The following NAV3 variants were observed in gnomAD, a reference collection of about 807,000 sequenced individuals.
The protein encoded by NAV3 is neuron navigator 3.
A neutral mutation model predicts 244.7 loss-of-function variants in NAV3; 87 were observed. The observed-to-expected ratio is 0.36, with a 90% CI of 0.30 to 0.42. NAV3 has a LOEUF of 0.42. Ranked by LOEUF, NAV3 falls within the 20% of genes least tolerant of loss-of-function variation. The pLI, the probability that NAV3 is intolerant of heterozygous loss-of-function variation, is 1.00. For missense variants in NAV3, 2,663 were observed against 2,893.3 expected, an observed-to-expected ratio of 0.92 and a Z score of 1.83; for synonymous variants, 1,126 against 1,042.2, an observed-to-expected ratio of 1.08 and a Z score of -1.55.
chr12:78,003,592 G>T (rs574532422), intron 7 of NAV3, among the ~76,000 whole-genome samples: 2 of 152,334 alleles, frequency 1.3e-5, no homozygotes, highest in East Asian at 1.9e-4. Context: ...TTCTCAGACT[G>T]ATACCACTCT....
At chr12:78,005,112 C>A (rs1873971866) in intron 7 of NAV3, among the ~76,000 whole-genome samples, 1 of 151,910 alleles carries the variant, frequency 6.6e-6, no homozygotes, top group African/African-American at 2.4e-5. Flanking sequence ...CCGATCAACC[C>A]CACCGAAGCT....
chr12:77,904,044 G>T lies in NAV3; in HGVS notation c.244-36275G>T, dbSNP rs528241851. 2.6e-3 allele frequency among the ~76,000 whole-genome samples: 394 copies of T among 152,264 alleles called. 1 individual carries two copies. The highest frequency in any genetic ancestry group is 4.5e-3 in the Non-Finnish European group (308 of 68,022). The stretch of plus-strand genomic sequence containing the variant: ...AAATAGGAACACTTTTACACTGTTG[G>T]TGGGACTGTAAACTAGTTCAACCAT... On this transcript the variant is annotated intron_variant, in intron 1 of 39. Coordinates refer to ENST00000397909, the MANE Select transcript of NAV3 (RefSeq NM_001024383.2).
chr12:78,194,469 C>T (rs1191814773), intron 34 of NAV3, among the ~76,000 whole-genome samples: 1 of 151,902 alleles, frequency 6.6e-6, no homozygotes, highest in African/African-American at 2.4e-5. Context: ...TCAATGTTTT[C>T]TTATAGATTT....
intron 1 of NAV3, among the ~76,000 whole-genome samples, chr12:77,915,465 T>A (rs918095295): frequency 6.6e-6 from 1 of 152,032 alleles, no homozygotes; most frequent in African/African-American, 2.4e-5. Context: ...TCAATTATTG[T>A]TGAACGTTTG....
At chr12:78,043,929 G>A (rs975756413) in intron 9 of NAV3, among the ~76,000 whole-genome samples, 4 of 152,118 alleles carry the variant, frequency 2.6e-5, no homozygotes, top group African/African-American at 7.2e-5. Context: ...AATTTCCTTA[G>A]TTTAATTAGA....
At chr12:77,738,658 AC>A (rs1868270193) in intron 2 of NAV3, among the ~76,000 whole-genome samples, 1 of 152,246 alleles carries the variant, frequency 6.6e-6, no homozygotes, top group Non-Finnish European at 1.5e-5. Flanking sequence ...TGGAAATCAT[AC>A]TTCAATAAGT....
chr12:77,574,368 A>G (rs563330474), intron 2 of NAV3, among the ~76,000 whole-genome samples: 36 of 152,308 alleles, frequency 2.4e-4, no homozygotes, highest in Admixed American at 7.9e-4. Flanking sequence ...TCTCAATGAC[A>G]CAATGAGTCA....
At chr12:78,191,393 G>A (rs534532357) in intron 34 of NAV3, among the ~76,000 whole-genome samples, 1 of 152,148 alleles carries the variant, frequency 6.6e-6, no homozygotes, top group Non-Finnish European at 1.5e-5. Flanking sequence ...GGCTCCCAGT[G>A]AAGATTTCTC....
At chr12:77,658,531 G>A (rs1021462452) in intron 2 of NAV3, among the ~76,000 whole-genome samples, 1 of 151,320 alleles carries the variant, frequency 6.6e-6, no homozygotes, top group East Asian at 1.9e-4. Context: ...TGGCCATACT[G>A]CCCAAGGTAA....
intron 2 of NAV3, among the ~76,000 whole-genome samples, chr12:77,821,009 T>A (rs1296453146): frequency 6.6e-6 from 1 of 151,978 alleles, no homozygotes; most frequent in Admixed American, 6.6e-5. Flanking sequence ...TCTAGCTGAA[T>A]CTCTCAATAT....
At chr12:78,040,228 G>A (rs1297214125) in intron 9 of NAV3, among the ~76,000 whole-genome samples, 1 of 151,960 alleles carries the variant, frequency 6.6e-6, no homozygotes, top group Non-Finnish European at 1.5e-5. Context: ...ATTTTCTTTG[G>A]TTATTATCTT....
At chr12:77,954,411 C>T (rs2137709809) in intron 3 of NAV3, among the ~76,000 whole-genome samples, 1 of 152,284 alleles carries the variant, frequency 6.6e-6, no homozygotes, top group Middle Eastern at 3.4e-3. Flanking sequence ...GAAGAGCAAG[C>T]TCATTGCAGA....
At chr12:77,667,969 C>T (rs376006475) in intron 2 of NAV3, among the ~76,000 whole-genome samples, 4 of 152,314 alleles carry the variant, frequency 2.6e-5, no homozygotes, top group Admixed American at 2.0e-4. Flanking sequence ...GATCACATCA[C>T]AGCGTTCTTT....
At chr12:78,037,387 G>C (rs888902254) in intron 9 of NAV3, 1 of 694,150 alleles carries the variant, frequency 1.4e-6, no homozygotes, top group African/African-American at 1.8e-5. Flanking sequence ...GACTTATTAG[G>C]TAAGTCCAAT....
intron 1 of NAV3, among the ~76,000 whole-genome samples, chr12:77,917,730 G>A (rs956560555): frequency 6.6e-6 from 1 of 152,042 alleles, no homozygotes. Context: ...TCTTTTTCAG[G>A]TGATGGTGGC....
chr12:78,101,502 G>A (rs966627539), intron 12 of NAV3, among the ~76,000 whole-genome samples: 3 of 152,030 alleles, frequency 2.0e-5, no homozygotes, highest in Non-Finnish European at 4.4e-5. Context: ...TCGAGAGTAA[G>A]GTATTTAACA....
intron 9 of NAV3, among the ~76,000 whole-genome samples, chr12:78,034,729 A>T (rs1346071216): frequency 6.6e-6 from 1 of 152,210 alleles, no homozygotes; most frequent in African/African-American, 2.4e-5. Context: ...CTATGGTCTC[A>T]GGACTTGGAA....
At chr12:77,907,916 G>A (rs1775499566) in intron 1 of NAV3, among the ~76,000 whole-genome samples, 1 of 152,032 alleles carries the variant, frequency 6.6e-6, no homozygotes, top group African/African-American at 2.4e-5. Context: ...AAGGATGTGT[G>A]GATGTTTATC....
intron 2 of NAV3, among the ~76,000 whole-genome samples, chr12:77,610,038 T>C (rs921649098): frequency 6.6e-6 from 1 of 152,038 alleles, no homozygotes; most frequent in African/African-American, 2.4e-5. Context: ...TCCTAGTCTT[T>C]TTGATATTTT....
Sources: allele counts gnomAD v4.1 joint callset (sites outside exome capture counted in the v4.1 genomes callset), GRCh38; gene constraint gnomAD v4.1.1; transcripts MANE v1.5; gene names NCBI Gene and HGNC (gene_info 2026-07-23, HGNC 2026-07-21).